The following BMS1 variants were observed in gnomAD, a reference collection of about 807,000 sequenced individuals.
BMS1 encodes the protein ribosome biogenesis protein BMS1 homolog.
Under a neutral mutation model 138.7 loss-of-function variants are expected in BMS1, and 53 were observed. That is an observed-to-expected ratio of 0.38 (90% confidence interval 0.31 to 0.48). BMS1 has a LOEUF of 0.48. Ranked by LOEUF, BMS1 falls within the 20% of genes least tolerant of loss-of-function variation. The pLI is 0.97. For missense variants in BMS1, 1,360 were observed against 1,565.5 expected, an observed-to-expected ratio of 0.87 and a Z score of 2.22; for synonymous variants, 504 against 539.9, an observed-to-expected ratio of 0.93 and a Z score of 0.92.
At chr10:42,822,484 T>C (rs2132383587) in intron 19 of BMS1, among the ~76,000 whole-genome samples, 1 of 152,348 alleles carries the variant, frequency 6.6e-6, no homozygotes, top group Admixed American at 6.5e-5. Flanking sequence ...GGGTTTTGTT[T>C]CCTACTTTTT....
intron 21 of BMS1, among the ~76,000 whole-genome samples, chr10:42,824,740 A>T (rs1225495235): frequency 6.6e-6 from 1 of 152,062 alleles, no homozygotes; most frequent in Non-Finnish European, 1.5e-5. Context: ...TATTGAAGAG[A>T]CTGTCTTTTT....
rs755586251 is a variant in BMS1 at position 42,802,163 on chromosome 10, C to T, written c.2274C>T (p.Phe758=). The stretch of plus-strand genomic sequence containing the variant: ...TTATGAACAGTATCAGAGATTGCTT[C>T]GTGACTGGAAAGTGGGAAGATGATA... ...EEVMNSIRDC[F]VTGKWEDDKD... Residue 758 remains phenylalanine, a synonymous_variant, in exon 13 of 23, where the codon TTC becomes TTT. Coordinates refer to ENST00000374518, the MANE Select transcript of BMS1 (RefSeq NM_014753.4). 4.3e-6 allele frequency: 7 copies of T among 1,613,176 alleles called. No homozygotes were observed. The highest frequency in any genetic ancestry group is 2.2e-5 in the East Asian group (1 of 44,842).
At chr10:42,800,244 G>T (rs1564416970) in intron 12 of BMS1, among the ~76,000 whole-genome samples, 1 of 152,140 alleles carries the variant, frequency 6.6e-6, no homozygotes, top group East Asian at 1.9e-4. Context: ...AGTTGGATGG[G>T]ATTTAAATTT....
intron 8 of BMS1, 31 bp downstream of exon 8, chr10:42,793,175 AC>A: frequency 6.5e-7 from 1 of 1,548,818 alleles, no homozygotes; most frequent in Middle Eastern, 1.7e-4. Flanking sequence ...ATTTCTCTGA[AC>A]TTTCAGTATT....
chr10:42,794,574 G>GTC, intron 9 of BMS1, among the ~76,000 whole-genome samples: 1 of 150,096 alleles, frequency 6.7e-6, no homozygotes, highest in Non-Finnish European at 1.5e-5. Flanking sequence ...TTGGTACAAT[G>GTC]TGCATAAACT....
chr10:42,796,022 G>T (rs1260407204), intron 9 of BMS1, among the ~76,000 whole-genome samples: 1 of 152,156 alleles, frequency 6.6e-6, no homozygotes, highest in Non-Finnish European at 1.5e-5. Flanking sequence ...CCTTTCAACT[G>T]TCTCTGTTAG....
At chr10:42,805,913 C>T (rs531261945) in intron 13 of BMS1, among the ~76,000 whole-genome samples, 1 of 152,228 alleles carries the variant, frequency 6.6e-6, no homozygotes, top group East Asian at 1.9e-4. Flanking sequence ...AATTCTCATG[C>T]CCCAGCCTCG....
intron 18 of BMS1, among the ~76,000 whole-genome samples, 182 bp from the exon 19 acceptor site, chr10:42,821,880 C>A: frequency 6.6e-6 from 1 of 152,128 alleles, no homozygotes; most frequent in East Asian, 1.9e-4. Context: ...GTTTGGCTTA[C>A]CAACTTTAAA....
At chr10:42,825,040 ACT>A (rs1202906285) in intron 21 of BMS1, among the ~76,000 whole-genome samples, 1 of 151,564 alleles carries the variant, frequency 6.6e-6, no homozygotes, top group African/African-American at 2.4e-5. Flanking sequence ...GCAAAGTCTC[ACT>A]CTGTCGCCCA....
rs966110197 is a variant in BMS1 at position 42,833,589 on chromosome 10, C to T, written c.*2493C>T. On this transcript the variant is annotated 3_prime_UTR_variant, in exon 23 of 23. Coordinates refer to ENST00000374518, the MANE Select transcript of BMS1 (RefSeq NM_014753.4). Reference sequence around the variant, plus strand: ...AACACAGTGGTAAACATTTGTGTATCGAAACATAGAAAAGGCGTAGCAAAA... The same window carrying T: ...AACACAGTGGTAAACATTTGTGTATTGAAACATAGAAAAGGCGTAGCAAAA... 3 of 152,124 alleles carry T rather than the reference C, an allele frequency of 2.0e-5. No homozygotes were observed. The highest frequency in any genetic ancestry group is 7.2e-5 in the African/African-American group (3 of 41,410). 9.4% of individuals were successfully genotyped at this position (152,124 alleles called of 1,614,324 possible).
chr10:42,790,778 A>G (rs556423831), intron 5 of BMS1, among the ~76,000 whole-genome samples: 1 of 152,082 alleles, frequency 6.6e-6, no homozygotes, highest in Admixed American at 6.5e-5. Context: ...TGAACCTAGG[A>G]GGCAGAGGGT....
At chr10:42,808,054 T>A (rs939975423) in intron 13 of BMS1, among the ~76,000 whole-genome samples, 7 of 152,174 alleles carry the variant, frequency 4.6e-5, no homozygotes, top group Admixed American at 3.9e-4. Context: ...GTGAGCATTT[T>A]TTCATGTGTT....
intron 21 of BMS1, among the ~76,000 whole-genome samples, chr10:42,825,257 G>C (rs1255005457): frequency 6.6e-6 from 1 of 152,136 alleles, no homozygotes; most frequent in Non-Finnish European, 1.5e-5. Flanking sequence ...TCTGCCCGCT[G>C]TGGTCTCTCA....
intron 10 of BMS1, 78 bp downstream of exon 10, chr10:42,797,309 G>A (rs1841720932): frequency 1.3e-6 from 2 of 1,577,418 alleles, no homozygotes; most frequent in Non-Finnish European, 1.7e-6. Flanking sequence ...ACATTTAGGG[G>A]TCTGTTGATT....
intron 13 of BMS1, among the ~76,000 whole-genome samples, chr10:42,807,072 A>G (rs1286624034): frequency 6.6e-6 from 1 of 151,896 alleles, no homozygotes; most frequent in Non-Finnish European, 1.5e-5. Context: ...GTGTGTGTCT[A>G]TACTTCTGTG....
At chr10:42,828,613 G>GTT (rs201097662) in intron 21 of BMS1, among the ~76,000 whole-genome samples, 6 of 145,888 alleles carry the variant, frequency 4.1e-5, no homozygotes, top group East Asian at 2.0e-4. Context: ...GGCCTCTTCA[G>GTT]TTTTTTTTTT....
chr10:42,792,243 G>A (rs1841526390), intron 6 of BMS1, among the ~76,000 whole-genome samples: 1 of 152,102 alleles, frequency 6.6e-6, no homozygotes, highest in Non-Finnish European at 1.5e-5. Flanking sequence ...ACTCTTCCCC[G>A]ACCCCAGGTG....
chr10:42,803,674 A>G (rs1429103084), intron 13 of BMS1, among the ~76,000 whole-genome samples: 1 of 152,000 alleles, frequency 6.6e-6, no homozygotes, highest in Non-Finnish European at 1.5e-5. Flanking sequence ...TCACTTGCTT[A>G]TTGTTTTTTC....
Position 42,823,592 on chromosome 10 carries a change from A to G in BMS1, c.3281-17A>G. On this transcript the variant is annotated splice_polypyrimidine_tract_variant and intron_variant, in intron 20 of 22. Coordinates refer to ENST00000374518, the MANE Select transcript of BMS1 (RefSeq NM_014753.4). ...TCTTCTTTTGAAAATGTTAAAGTAA[A>G]TTACCTCTCTTTTCAGATATTGTCT... The G allele has an allele frequency of 6.6e-7, 1 of 1,506,028 alleles. No individual in the cohort carries two copies. Among genetic ancestry groups the G allele is most frequent in the South Asian group, 1.3e-5 (1 of 74,920 alleles). The allele number at this position is 1,506,028 out of a possible 1,614,324, so 93.3% of individuals were successfully genotyped here. A position where few individuals can be genotyped will look rare whatever the true frequency, so the allele number is the denominator to read the frequency against.
Sources: allele counts gnomAD v4.1 joint callset (sites outside exome capture counted in the v4.1 genomes callset), GRCh38; gene constraint gnomAD v4.1.1; transcripts MANE v1.5; gene names NCBI Gene and HGNC (gene_info 2026-07-23, HGNC 2026-07-21).